RAB3GAP1: variants seen among roughly 807,000 people sequenced by gnomAD.
RAB3GAP1 encodes RAB3 GTPase activating protein catalytic subunit 1, also known as rab3 GTPase-activating protein catalytic subunit.
In RAB3GAP1, 86 loss-of-function variants were observed where a neutral mutation model predicts 130.7. The ratio of observed to expected loss-of-function variants is 0.66; its 90% CI spans 0.55 to 0.79. The LOEUF is 0.79. Among genes scored for constraint, RAB3GAP1 ranks in the 30% least tolerant of loss-of-function variants. The pLI is 0.00. For synonymous variants in RAB3GAP1, 367 were observed against 401.7 expected, an observed-to-expected ratio of 0.91 and a Z score of 1.03; for missense variants, 1,029 against 1,169.4, an observed-to-expected ratio of 0.88 and a Z score of 1.75.
downstream of RAB3GAP1, among the ~76,000 whole-genome samples, chr2:135,173,927 TC>T (rs1252306585): frequency 6.6e-6 from 1 of 152,226 alleles, no homozygotes; most frequent in Admixed American, 6.5e-5. Flanking sequence ...GTTTAAATCT[TC>T]TGGCCTCTAA....
intron 17 of RAB3GAP1, among the ~76,000 whole-genome samples, chr2:135,138,277 C>G (rs969758871): frequency 2.2e-5 from 3 of 139,220 alleles, no homozygotes; most frequent in East Asian, 2.1e-4. Flanking sequence ...AACCCTATTT[C>G]TACCAAAAAA....
downstream of RAB3GAP1, among the ~76,000 whole-genome samples, chr2:135,171,847 G>A (rs534176343): frequency 4.6e-5 from 7 of 152,280 alleles, no homozygotes; most frequent in East Asian, 1.2e-3. Context: ...TGACACTTGG[G>A]CAGAGACTGA....
intron 6 of RAB3GAP1, 131 bp from the exon 7 acceptor site, chr2:135,115,085 C>A: frequency 1.3e-6 from 1 of 786,136 alleles, no homozygotes; most frequent in Non-Finnish European, 2.0e-6. Flanking sequence ...ACACACAAAC[C>A]TGTGTTTTTG....
chr2:135,117,456 G>GCTTCTGCTTCTTCTGCTTCTTCTT (rs1691010846), intron 7 of RAB3GAP1, among the ~76,000 whole-genome samples: 1 of 41,850 alleles, frequency 2.4e-5, no homozygotes, highest in African/African-American at 5.9e-5. Context: ...TTCTTCTTCT[G>GCTTCTGCTTCTTCTGCTTCTTCTT]CTTCTGCTTC....
chr2:135,151,273 C>G lies in RAB3GAP1; in HGVS notation c.2061+767C>G, dbSNP rs576600790. ...GGCTTCCTTTCCTACTGCTGATACTCTGAACTATCCCCAGGCGCAGACTTC... is the reference window on the plus strand; with the variant it reads ...GGCTTCCTTTCCTACTGCTGATACTGTGAACTATCCCCAGGCGCAGACTTC... On this transcript the variant is annotated intron_variant, in intron 18 of 23. Coordinates refer to ENST00000264158, the MANE Select transcript of RAB3GAP1 (RefSeq NM_012233.3). Among the ~76,000 whole-genome samples the G allele has an allele frequency of 3.3e-5, 5 of 152,336 alleles. No homozygotes were observed. The South Asian group carries it at 8.3e-4, about 25-fold the overall frequency.
intron 3 of RAB3GAP1, among the ~76,000 whole-genome samples, chr2:135,069,637 T>C (rs1044029339): frequency 2.0e-5 from 3 of 152,226 alleles, no homozygotes; most frequent in Admixed American, 1.3e-4. Context: ...TCTCTCTACT[T>C]TTGGGGCCAT....
chr2:135,090,949 A>G, intron 3 of RAB3GAP1, 49 bp from the exon 4 acceptor site: 1 of 1,515,374 alleles, frequency 6.6e-7, no homozygotes, highest in Non-Finnish European at 9.2e-7. Flanking sequence ...AAATATAATG[A>G]TAGCTATTGA....
intron 6 of RAB3GAP1, among the ~76,000 whole-genome samples, chr2:135,114,520 C>T (rs115380962): frequency 2.3e-3 from 344 of 152,236 alleles, no homozygotes; most frequent in African/African-American, 5.9e-3. Flanking sequence ...ATAAAGTTGC[C>T]ACAAACACTG....
At chr2:135,066,748 A>AGAAAT in intron 3 of RAB3GAP1, among the ~76,000 whole-genome samples, 1 of 152,334 alleles carries the variant, frequency 6.6e-6, no homozygotes, top group East Asian at 1.9e-4. Context: ...AGGGAAGTAA[A>AGAAAT]GAAATGACCT....
chr2:135,095,215 A>AT (rs1203140940), intron 5 of RAB3GAP1, among the ~76,000 whole-genome samples: 2 of 152,018 alleles, frequency 1.3e-5, no homozygotes, highest in African/African-American at 2.4e-5. Context: ...CACCCAGCTG[A>AT]TTTTTTGTAT....
intron 3 of RAB3GAP1, among the ~76,000 whole-genome samples, chr2:135,080,396 A>G (rs1024129716): frequency 1.3e-5 from 2 of 152,220 alleles, no homozygotes; most frequent in Non-Finnish European, 2.9e-5. Flanking sequence ...AGAAGATCAT[A>G]TATACAGAGG....
chr2:135,125,102 T>C (rs1691313630), intron 9 of RAB3GAP1, among the ~76,000 whole-genome samples: 1 of 152,234 alleles, frequency 6.6e-6, no homozygotes, highest in South Asian at 2.1e-4. Context: ...CTTCACCTCT[T>C]AGCCATCATT....
chr2:135,111,864 TTTC>T (rs2104910565), intron 5 of RAB3GAP1, among the ~76,000 whole-genome samples: 2 of 152,352 alleles, frequency 1.3e-5, no homozygotes, highest in South Asian at 4.1e-4. Context: ...AGGTAAGGAA[TTTC>T]ACTGACATTT....
chr2:135,139,592 TTGG>T (rs1477569381), intron 17 of RAB3GAP1, among the ~76,000 whole-genome samples: 4 of 151,610 alleles, frequency 2.6e-5, no homozygotes, highest in Non-Finnish European at 5.9e-5. Flanking sequence ...AGTATACTGC[TTGG>T]TGAATTTTTT....
chr2:135,120,993 C>T, intron 8 of RAB3GAP1, 75 bp downstream of exon 8: 1 of 1,088,970 alleles, frequency 9.2e-7, no homozygotes, highest in Non-Finnish European at 1.4e-6. Flanking sequence ...ATTAAAATTA[C>T]TTAACAAGAG....
chr2:135,142,048 A>C (rs1691859030), intron 17 of RAB3GAP1, among the ~76,000 whole-genome samples: 2 of 152,198 alleles, frequency 1.3e-5, no homozygotes, highest in Non-Finnish European at 2.9e-5. Context: ...TATCAATTTG[A>C]GAATCAGCTT....
At chr2:135,096,923 A>G (rs1016296371) in intron 5 of RAB3GAP1, among the ~76,000 whole-genome samples, 4 of 152,174 alleles carry the variant, frequency 2.6e-5, no homozygotes, top group Admixed American at 1.3e-4. Context: ...TTGTGGTCAA[A>G]ATATTAAATG....
chr2:135,152,567 G>C (rs1692205888), intron 18 of RAB3GAP1, among the ~76,000 whole-genome samples: 1 of 152,142 alleles, frequency 6.6e-6, no homozygotes, highest in African/African-American at 2.4e-5. Context: ...GAGTCACCCA[G>C]TATCATGAAA....
intron 5 of RAB3GAP1, among the ~76,000 whole-genome samples, chr2:135,095,318 G>A (rs1223417009): frequency 6.6e-6 from 1 of 152,174 alleles, no homozygotes; most frequent in African/African-American, 2.4e-5. Context: ...AAAGCGCTGG[G>A]ATTATAGGCG....
Sources: allele counts gnomAD v4.1 joint callset (sites outside exome capture counted in the v4.1 genomes callset), GRCh38; gene constraint gnomAD v4.1.1; transcripts MANE v1.5; gene names NCBI Gene and HGNC (gene_info 2026-07-23, HGNC 2026-07-21).